C17orf50: variants seen among roughly 807,000 people sequenced by gnomAD.
C17orf50 encodes plakoglobin binding and degradation factor.
C17orf50 carries 16 observed loss-of-function variants against 17.7 expected under a neutral mutation model. That is an observed-to-expected ratio of 0.90 (90% CI 0.61 to 1.37). The LOEUF (loss-of-function observed/expected upper bound fraction) is 1.37, where lower values mean the gene tolerates loss of function less well. Ranked by LOEUF, C17orf50 falls within the 40% of genes most tolerant of loss-of-function variation. The pLI is 0.00. For missense variants in C17orf50, 271 were observed against 240.7 expected, an observed-to-expected ratio of 1.13 and a Z score of -0.83; for synonymous variants, 125 against 111.0, an observed-to-expected ratio of 1.13 and a Z score of -0.80.
rs2085888346 is a variant in C17orf50 at position 35,764,289 on chromosome 17, T to G, written c.296T>G (p.Leu99Ter). 2 of 1,525,210 alleles carry G rather than the reference T, an allele frequency of 1.3e-6. No individual in the cohort carries two copies. Among genetic ancestry groups the G allele is most frequent in the South Asian group, 2.5e-5 (2 of 80,954 alleles). 94.5% of individuals were successfully genotyped at this position (1,525,210 alleles called of 1,614,324 possible). Residue 99 changes from leucine (L) to a stop codon, truncating the protein, a stop_gained, in exon 2 of 3, where the codon TTA (leucine) becomes TGA (stop). Coordinates refer to ENST00000605587, the MANE Select transcript of C17orf50 (RefSeq NM_145272.4). LOFTEE classifies it high-confidence loss of function. ...DSGFWGWLGP[L>*]ALLGGLTAPT... ...GGCTTCTGGGGCTGGCTCGGCCCCT[T>G]AGCGCTGCTGGGCGGCCTAACAGCT...
chr17:35,764,342 C>A lies in C17orf50; in HGVS notation c.332+17C>A. The A allele has an allele frequency of 3.4e-6, 5 of 1,462,236 alleles. No individual in the cohort carries two copies. In the South Asian group the frequency reaches 4.2e-5, roughly 12 times the overall value. 90.6% of individuals were successfully genotyped at this position (1,462,236 alleles called of 1,614,324 possible). ...CACCGACAGGTGCCTGCGCGCTCCT[C>A]GACCGGGGCACGAGGGAGGCGGTGC... is the stretch of plus-strand genomic sequence containing the variant. On this transcript the variant is annotated intron_variant, in intron 2 of 2. Coordinates refer to ENST00000605587, the MANE Select transcript of C17orf50 (RefSeq NM_145272.4).
At chr17:35,761,685 TG>T (rs1368399910) in intron 1 of C17orf50, among the ~76,000 whole-genome samples, 1 of 152,242 alleles carries the variant, frequency 6.6e-6, no homozygotes, top group African/African-American at 2.4e-5. Context: ...GGTCTCCCTC[TG>T]TCTTGTCAGA....
At position 35,764,320 on chromosome 17, in the gene C17orf50, C is replaced by G; in HGVS notation, c.327C>G (p.Thr109=). Residue 109 remains threonine (T), a synonymous_variant, in exon 2 of 3, where the codon ACC becomes ACG. Transcript: ENST00000605587. ...TGCTGGGCGGCCTAACAGCTCCCAC[C>G]GACAGGTGCCTGCGCGCTCCTCGAC... ...LALLGGLTAP[T]DRKRSLPEEP... 4.1e-6 allele frequency: 6 copies of G among 1,477,644 alleles called. No individual in the cohort carries two copies. The highest frequency in any genetic ancestry group is 5.4e-6 in the Non-Finnish European group (6 of 1,119,976). The allele number at this position is 1,477,644 out of a possible 1,614,324, so 91.5% of individuals were successfully genotyped here.
intron 1 of C17orf50, among the ~76,000 whole-genome samples, chr17:35,761,474 C>T (rs182132539): frequency 2.4e-3 from 366 of 151,484 alleles, no homozygotes; most frequent in Non-Finnish European, 4.6e-3. Flanking sequence ...AGTACAGTGG[C>T]GTTGTCACAG....
Position 35,764,711 on chromosome 17 carries a change from C to A in C17orf50, c.*93C>A. 2.2e-6 allele frequency: 3 copies of A among 1,367,054 alleles called. No homozygotes were observed. The highest frequency in any genetic ancestry group is 1.9e-6 in the Non-Finnish European group (2 of 1,029,868). 84.7% of individuals were successfully genotyped at this position (1,367,054 alleles called of 1,614,324 possible). A position where few individuals can be genotyped will look rare whatever the true frequency, so the allele number is the denominator to read the frequency against. On this transcript the variant is annotated 3_prime_UTR_variant, in exon 3 of 3. Coordinates refer to ENST00000605587, the MANE Select transcript of C17orf50 (RefSeq NM_145272.4). ...TCTTGGAGCGCGGAGCCCTCTTCGA[C>A]GCATTCCGCAGGACCGCCCCTTCTC...
chr17:35,764,435 C>A lies in C17orf50; in HGVS notation c.342C>A (p.Ser114Arg). 1 of 1,541,830 alleles carries A rather than the reference C, an allele frequency of 6.5e-7. No homozygotes were observed. The change falls in exon 3 of 3, where the codon AGC (serine) becomes AGA (arginine). Residue 114 changes from serine to arginine, a missense_variant. Transcript: ENST00000605587. ...TGGTCCCCGCCGGCAGGAAGCGGAG[C>A]CTCCCGGAGGAGCCGTGCGTGCTGG... ...GLTAPTDRKR[S>R]LPEEPCVLEI...
chr17:35,762,113 C>T (rs1296822268), intron 1 of C17orf50, among the ~76,000 whole-genome samples: 1 of 152,124 alleles, frequency 6.6e-6, no homozygotes, highest in Non-Finnish European at 1.5e-5. Context: ...GCCTCAGCCT[C>T]CTGAATAGCT....
chr17:35,761,735 A>G (rs1249914073), intron 1 of C17orf50, among the ~76,000 whole-genome samples: 1 of 152,164 alleles, frequency 6.6e-6, no homozygotes, highest in Non-Finnish European at 1.5e-5. Context: ...ACGTCCCTCT[A>G]CAAGAATGTT....
rs2085889667 is a variant in C17orf50, at chr17:35,764,320, C to A, written c.327C>A (p.Thr109=). The part of the protein sequence containing the change: ...LALLGGLTAP[T]DRKRSLPEEP... ...TGCTGGGCGGCCTAACAGCTCCCAC[C>A]GACAGGTGCCTGCGCGCTCCTCGAC... is the stretch of plus-strand genomic sequence containing the variant. Residue 109 remains threonine, a synonymous_variant, in exon 2 of 3, where the codon ACC becomes ACA. Transcript: ENST00000605587. 1 of 1,477,642 alleles carries A rather than the reference C, an allele frequency of 6.8e-7. No homozygotes were observed. Among genetic ancestry groups the A allele is most frequent in the East Asian group, 2.6e-5 (1 of 38,236 alleles). The allele number at this position is 1,477,642 out of a possible 1,614,324, so 91.5% of individuals were successfully genotyped here. A position where few individuals can be genotyped will look rare whatever the true frequency, so the allele number is the denominator to read the frequency against.
intron 1 of C17orf50, among the ~76,000 whole-genome samples, chr17:35,763,768 G>A (rs1555601980): frequency 6.6e-6 from 1 of 151,822 alleles, no homozygotes; most frequent in East Asian, 1.9e-4. Context: ...GCAGCGGGGC[G>A]TGCCTGTAGT....
chr17:35,763,261 C>A (rs1439534423), intron 1 of C17orf50, among the ~76,000 whole-genome samples: 1 of 151,848 alleles, frequency 6.6e-6, no homozygotes, highest in East Asian at 1.9e-4. Flanking sequence ...ATAGTGAGAC[C>A]CTGTCTCAAA....
At position 35,763,897 on chromosome 17, in the gene C17orf50, A is replaced by AAAAAAAATAAATAAAT. The variant is rs373521587; in HGVS notation, c.14-107_14-106insAAAATAAATAAATAAA. On this transcript the variant is annotated intron_variant, in intron 1 of 2. Coordinates refer to ENST00000605587, the MANE Select transcript of C17orf50 (RefSeq NM_145272.4). ...GAGCTACAGAGAGAGACCCTGTCTC[A>AAAAAAAATAAATAAAT]AAATAAATAAATAAATAAATAAATA... 14 of 654,402 alleles carry AAAAAAAATAAATAAAT rather than the reference A, an allele frequency of 2.1e-5. No homozygotes were observed. In the African/African-American group the frequency reaches 2.7e-4, roughly 12 times the overall value. The allele number at this position is 654,402 out of a possible 1,614,324, so 40.5% of individuals were successfully genotyped here.
rs35027942 is a variant in C17orf50 at position 35,763,897 on chromosome 17, AAAATAAATAAAT to A, written c.14-80_14-69del. 0.012 allele frequency: 7,737 copies of A among 654,356 alleles called. 489 individuals carry two copies. In the African/African-American group the frequency reaches 0.13, roughly 11 times the overall value. The allele number at this position is 654,356 out of a possible 1,614,324, so 40.5% of individuals were successfully genotyped here. A position where few individuals can be genotyped will look rare whatever the true frequency, so the allele number is the denominator to read the frequency against. On this transcript the variant is annotated intron_variant, in intron 1 of 2. Coordinates refer to ENST00000605587, the MANE Select transcript of C17orf50 (RefSeq NM_145272.4). ...GAGCTACAGAGAGAGACCCTGTCTC[AAAATAAATAAAT>A]AAATAAATAAATAAATAAATAAATA...
Position 35,764,489 on chromosome 17 carries a change from G to A in C17orf50, c.396G>A (p.Gly132=). The A allele has an allele frequency of 6.3e-7, 1 of 1,577,846 alleles. No individual in the cohort carries two copies. The highest frequency in any genetic ancestry group is 8.6e-7 in the Non-Finnish European group (1 of 1,164,662). Residue 132 remains glycine, a synonymous_variant, in exon 3 of 3, where the codon GGG becomes GGA. Transcript: ENST00000605587. The stretch of plus-strand genomic sequence containing the variant: ...TCCGGCGACGACCGCCGCGCCGCGG[G>A]GGCTGTGCTTGCTGCGAGCTCCTCT... The part of the protein sequence containing the change: ...LEIRRRPPRR[G]GCACCELLFC...
chr17:35,764,128 C>T lies in C17orf50; in HGVS notation c.135C>T (p.Asp45=). 2.6e-6 allele frequency: 4 copies of T among 1,549,774 alleles called. No homozygotes were observed. Among genetic ancestry groups the T allele is most frequent in the Non-Finnish European group, 3.5e-6 (4 of 1,146,812 alleles). The part of the protein sequence containing the change: ...EDEDNQRPLE[D]SATEGEEPPR... ...AGGACAACCAGAGGCCGCTGGAGGACAGCGCGACGGAGGGCGAGGAGCCGC... is the reference window on the plus strand; with the variant it reads ...AGGACAACCAGAGGCCGCTGGAGGATAGCGCGACGGAGGGCGAGGAGCCGC... The change falls in exon 2 of 3, where the codon GAC becomes GAT. Residue 45 remains aspartate, a synonymous_variant. Transcript: ENST00000605587.
chr17:35,763,268 CA>C (rs1199377540), intron 1 of C17orf50, among the ~76,000 whole-genome samples: 179 of 146,210 alleles, frequency 1.2e-3, no homozygotes, highest in African/African-American at 3.3e-3. Flanking sequence ...GACCCTGTCT[CA>C]AAAAAAAAAA....
chr17:35,762,918 C>G (rs587692965), intron 1 of C17orf50, among the ~76,000 whole-genome samples: 1 of 152,018 alleles, frequency 6.6e-6, no homozygotes, highest in Admixed American at 6.5e-5. Context: ...GAGGTCAGAT[C>G]GAGACCATCC....
At chr17:35,763,967 G>A (rs1260250605) in intron 1 of C17orf50, 40 bp from the exon 2 acceptor site, 9 of 1,393,942 alleles carry the variant, frequency 6.5e-6, no homozygotes, top group African/African-American at 1.5e-5. Flanking sequence ...ACCCTTTCTC[G>A]GGGACAGCAG....
intron 1 of C17orf50, 110 bp from the exon 2 acceptor site, chr17:35,763,897 A>AAAATAAATAAAT (rs35027942): frequency 0.05 from 32,883 of 653,598 alleles, 2,033 homozygotes; most frequent in African/African-American, 0.2. Context: ...ACCCTGTCTC[A>AAAATAAATAAAT]AAATAAATAA....
Sources: allele counts gnomAD v4.1 joint callset (sites outside exome capture counted in the v4.1 genomes callset), GRCh38; gene constraint gnomAD v4.1.1; transcripts MANE v1.5; gene names NCBI Gene and HGNC (gene_info 2026-07-23, HGNC 2026-07-21).